Variants in TFPI observed in about 807,000 individuals in gnomAD.
The protein encoded by TFPI is tissue factor pathway inhibitor.
In TFPI, 15 loss-of-function variants were observed where a neutral mutation model predicts 34.6. That is an observed-to-expected ratio of 0.43 (90% CI 0.29 to 0.67). The LOEUF (loss-of-function observed/expected upper bound fraction) is 0.67. Ranked by LOEUF, TFPI falls within the 30% of genes least tolerant of loss-of-function variation. The pLI is 0.15. For synonymous variants in TFPI, 105 were observed against 120.1 expected (o/e 0.87, Z 0.82); for missense variants, 301 against 364.0 (o/e 0.83, Z 1.41).
At chr2:187,499,789 G>C (rs571539085) in intron 2 of TFPI, among the ~76,000 whole-genome samples, 2 of 152,174 alleles carry the variant, frequency 1.3e-5, no homozygotes, top group Admixed American at 1.3e-4. Flanking sequence ...TCAAATTGCT[G>C]TAGAAATTCT....
intron 1 of TFPI, among the ~76,000 whole-genome samples, chr2:187,525,742 A>C (rs1457040130): frequency 1.3e-5 from 2 of 152,126 alleles, no homozygotes; most frequent in Admixed American, 1.3e-4. Context: ...GGAAAGACTG[A>C]ACATCTATAA....
rs1686564887 is a variant in TFPI, at chr2:187,510,733, C to G, written c.-2-6963G>C. Among the ~76,000 whole-genome samples the G allele has an allele frequency of 2.0e-5, 3 of 152,270 alleles. No homozygotes were observed. In the South Asian group the frequency reaches 6.2e-4, roughly 32 times the overall value. ...TTCTGTTCCATTCTGATTACTGGTG[C>G]ATGCAGCCCCCAGTCACGTACCCCC... On this transcript the variant is annotated intron_variant, in intron 1 of 7. Coordinates refer to ENST00000233156, the MANE Select transcript of TFPI (RefSeq NM_006287.6).
intron 1 of TFPI, among the ~76,000 whole-genome samples, chr2:187,539,891 G>A (rs1244936007): frequency 2.0e-5 from 3 of 150,382 alleles, no homozygotes; most frequent in Admixed American, 6.6e-5. Flanking sequence ...CACCCATTAC[G>A]TCATCTTCTT....
intron 6 of TFPI, among the ~76,000 whole-genome samples, chr2:187,481,196 G>C (rs1351607016): frequency 6.6e-6 from 1 of 151,960 alleles, no homozygotes; most frequent in Non-Finnish European, 1.5e-5. Flanking sequence ...TATTATTCCT[G>C]TACATTGAAT....
chr2:187,490,139 A>G (rs1010941106), intron 3 of TFPI, among the ~76,000 whole-genome samples: 2 of 151,540 alleles, frequency 1.3e-5, no homozygotes, highest in African/African-American at 4.8e-5. Flanking sequence ...TATACCTCAA[A>G]CTGACTTATT....
At position 187,476,959 on chromosome 2, in the gene TFPI, G is replaced by T. The variant is rs370248096; in HGVS notation, c.628+7165C>A. On this transcript the variant is annotated intron_variant, in intron 6 of 7. Transcript: ENST00000233156. The stretch of plus-strand genomic sequence containing the variant: ...TGAATTTATTCCTACTATGTTACTG[G>T]TTCATACAAAATGAAAGTTATTTTA... Among the ~76,000 whole-genome samples, 272 of 152,102 alleles carry T rather than the reference G, an allele frequency of 1.8e-3. 3 individuals are homozygous for T. Among genetic ancestry groups the T allele is most frequent in the African/African-American group, 6.5e-3 (268 of 41,496 alleles).
chr2:187,520,913 T>C lies in TFPI; in HGVS notation c.-2-17143A>G, dbSNP rs1167397823. Reference sequence around the variant, plus strand: ...AGTTGGCTCCTGTACTTCTTTGAGATAGCTCCATCAATATGAGTTTTTAAT... The same window carrying C: ...AGTTGGCTCCTGTACTTCTTTGAGACAGCTCCATCAATATGAGTTTTTAAT... On this transcript the variant is annotated intron_variant, in intron 1 of 7. Coordinates refer to ENST00000233156, the MANE Select transcript of TFPI (RefSeq NM_006287.6). Among the ~76,000 whole-genome samples the C allele has an allele frequency of 2.6e-5, 4 of 152,192 alleles. No individual in the cohort carries two copies. In the East Asian group the frequency reaches 7.7e-4, roughly 29 times the overall value.
At chr2:187,524,849 T>C (rs1013447813) in intron 1 of TFPI, among the ~76,000 whole-genome samples, 1 of 152,006 alleles carries the variant, frequency 6.6e-6, no homozygotes, top group Non-Finnish European at 1.5e-5. Flanking sequence ...TAGGTATTTT[T>C]CAAGTCAAAG....
chr2:187,478,400 A>T (rs1692535760), intron 6 of TFPI, among the ~76,000 whole-genome samples: 1 of 152,076 alleles, frequency 6.6e-6, no homozygotes, highest in African/African-American at 2.4e-5. Flanking sequence ...AACAAAACAA[A>T]AACAAATAGT....
intron 1 of TFPI, among the ~76,000 whole-genome samples, chr2:187,548,820 A>G (rs1277608768): frequency 6.6e-6 from 1 of 152,106 alleles, no homozygotes; most frequent in Non-Finnish European, 1.5e-5. Flanking sequence ...CTCTCTTGTT[A>G]TGGGAATTGA....
chr2:187,540,232 A>G (rs576320597), intron 1 of TFPI, among the ~76,000 whole-genome samples: 62 of 152,174 alleles, frequency 4.1e-4, no homozygotes, highest in Admixed American at 4.1e-3. Context: ...ACCCTTAACT[A>G]TTTGAGCTTG....
chr2:187,522,793 A>C (rs1687468609), intron 1 of TFPI, among the ~76,000 whole-genome samples: 1 of 150,650 alleles, frequency 6.6e-6, no homozygotes, highest in Non-Finnish European at 1.5e-5. Flanking sequence ...CGGGAGGCTG[A>C]GGCAGGAGAA....
In TFPI at chr2:187,503,727, A is replaced by G. The variant is rs1686008267; in HGVS notation, c.42T>C (p.Ser14=). The change falls in exon 2 of 8, where the codon TCT becomes TCC. Residue 14 remains serine, a synonymous_variant. Coordinates refer to ENST00000233156, the MANE Select transcript of TFPI (RefSeq NM_006287.6). ...TMKKVHALWA[S]VCLLLNLAPA... ...GGGCAAGATTAAGCAGCAGGCATAC[A>G]GAAGCCCAAAGTGCATGTACTTTCT... 1 of 1,613,114 alleles carries G rather than the reference A, an allele frequency of 6.2e-7. No individual in the cohort carries two copies. Among genetic ancestry groups the G allele is most frequent in the Non-Finnish European group, 8.5e-7 (1 of 1,179,394 alleles).
chr2:187,497,099 A>T (rs769253276), intron 2 of TFPI, 21 bp from the exon 3 acceptor site: 79 of 1,591,698 alleles, frequency 5.0e-5, no homozygotes, highest in Non-Finnish European at 6.4e-5. Flanking sequence ...AAAATAAAAG[A>T]TATAACATGT....
At chr2:187,480,300 C>T (rs989986681) in intron 6 of TFPI, among the ~76,000 whole-genome samples, 8 of 152,014 alleles carry the variant, frequency 5.3e-5, no homozygotes, top group African/African-American at 1.9e-4. Context: ...GTGTATTACT[C>T]TGAATCACAT....
chr2:187,485,131 T>C lies in TFPI; in HGVS notation c.359-144A>G, dbSNP rs937744043. 23 of 575,378 alleles carry C rather than the reference T, an allele frequency of 4.0e-5. No individual in the cohort carries two copies. In the African/African-American group the frequency reaches 4.5e-4, roughly 11 times the overall value. 35.6% of individuals were successfully genotyped at this position (575,378 alleles called of 1,614,324 possible). On this transcript the variant is annotated intron_variant, in intron 4 of 7. Coordinates refer to ENST00000233156, the MANE Select transcript of TFPI (RefSeq NM_006287.6). ...GTAAAAATCTAACTTTATCCATAAA[T>C]ATACACTATTAAAATTATCTACCAT...
At chr2:187,478,790 T>C in intron 6 of TFPI, 1 of 1,613,170 alleles carries the variant, frequency 6.2e-7, no homozygotes, top group South Asian at 1.1e-5. Flanking sequence ...CATCATTTGT[T>C]CCTTCTTTTG....
intron 6 of TFPI, among the ~76,000 whole-genome samples, chr2:187,475,296 C>CA (rs1266934700): frequency 1.3e-4 from 20 of 152,024 alleles, no homozygotes; most frequent in South Asian, 4.1e-4. Flanking sequence ...GATCCAAAGA[C>CA]AAAAAATATG....
chr2:187,533,157 C>A (rs1559150616), intron 1 of TFPI, among the ~76,000 whole-genome samples: 1 of 152,194 alleles, frequency 6.6e-6, no homozygotes, highest in Non-Finnish European at 1.5e-5. Flanking sequence ...CTTAAACATT[C>A]GTGTCTGCCA....
Sources: gnomAD v4.1 joint callset for allele counts (sites outside exome capture counted in the v4.1 genomes callset) on GRCh38, gnomAD v4.1.1 for gene constraint, MANE v1.5 for transcripts, NCBI Gene and HGNC (gene_info 2026-07-23, HGNC 2026-07-21) for gene names.